KCNN2: variants seen among roughly 807,000 people sequenced by gnomAD.
The protein encoded by KCNN2 is small conductance calcium-activated potassium channel protein 2.
Under a neutral mutation model 55.5 loss-of-function variants are expected in KCNN2, and 24 were observed. The ratio of observed to expected loss-of-function variants is 0.43; its 90% CI spans 0.31 to 0.61. The LOEUF is 0.61. Among genes scored for constraint, KCNN2 ranks in the 20% least tolerant of loss-of-function variants. The pLI is 0.08. For missense variants in KCNN2, 754 were observed against 853.6 expected, an observed-to-expected ratio of 0.88 and a Z score of 1.45; for synonymous variants, 431 against 336.1, an observed-to-expected ratio of 1.28 and a Z score of -3.09.
At chr5:114,356,935 A>T (rs564701757) in intron 2 of KCNN2, among the ~76,000 whole-genome samples, 18 of 152,204 alleles carry the variant, frequency 1.2e-4, no homozygotes, top group Non-Finnish European at 2.2e-4. Flanking sequence ...CCCCACTGGC[A>T]TTTATTGCTA....
intron 1 of KCNN2, among the ~76,000 whole-genome samples, chr5:114,082,934 C>T (rs930780974): frequency 6.6e-6 from 1 of 152,030 alleles, no homozygotes; most frequent in Non-Finnish European, 1.5e-5. Context: ...TATTTTTTAA[C>T]AGGTATAAAG....
chr5:114,104,046 G>A (rs896894894), intron 1 of KCNN2, among the ~76,000 whole-genome samples: 2 of 151,986 alleles, frequency 1.3e-5, no homozygotes, highest in East Asian at 1.9e-4. Context: ...CTGTGAATCC[G>A]TTTGGTCCTA....
In KCNN2 at chr5:114,278,660, T is replaced by C. The variant is rs1360738835; in HGVS notation, c.-185+57095T>C. On this transcript the variant is annotated intron_variant, in intron 2 of 10. Transcript: ENST00000512097. Reference sequence around the variant, plus strand: ...AGCAGTGAGCAAGGCTCTGTGGGCATGGGACCTGCCAAGCCAGGCACAGGA... The same window carrying C: ...AGCAGTGAGCAAGGCTCTGTGGGCACGGGACCTGCCAAGCCAGGCACAGGA... Among the ~76,000 whole-genome samples the C allele has an allele frequency of 2.0e-5, 3 of 152,340 alleles. No homozygotes were observed. In the East Asian group the frequency reaches 5.8e-4, roughly 29 times the overall value.
rs1352142558 is a variant in KCNN2, at chr5:114,404,967, G to C, written c.1637+111G>C. On this transcript the variant is annotated intron_variant, in intron 3 of 7. Coordinates refer to ENST00000673685, the MANE Select transcript of KCNN2 (RefSeq NM_021614.4). ...GTAGTGTCTCACTCTTAAAAATTTT[G>C]GATTTTCTGACAGGCTTCTTTGAAA... 12 of 935,946 alleles carry C rather than the reference G, an allele frequency of 1.3e-5. No individual in the cohort carries two copies. The East Asian group carries it at 3.0e-4, about 23-fold the overall frequency. The allele number at this position is 935,946 out of a possible 1,614,324, so 58.0% of individuals were successfully genotyped here. A position where few individuals can be genotyped will look rare whatever the true frequency, so the allele number is the denominator to read the frequency against.
intron 2 of KCNN2, among the ~76,000 whole-genome samples, chr5:114,236,563 C>A (rs764701234): frequency 5.9e-5 from 9 of 152,022 alleles, no homozygotes; most frequent in Admixed American, 2.0e-4. Flanking sequence ...TTGCCTTTTA[C>A]TAAAGTAAAA....
At chr5:114,307,959 C>T (rs1756317425) in intron 2 of KCNN2, among the ~76,000 whole-genome samples, 1 of 152,030 alleles carries the variant, frequency 6.6e-6, no homozygotes. Context: ...CCTCATGATC[C>T]ACTCCTATAC....
In KCNN2 at chr5:114,496,182, G is replaced by A; in HGVS notation, c.2376G>A (p.Ter792=). The A allele has an allele frequency of 1.2e-6, 2 of 1,613,222 alleles. No individual in the cohort carries two copies. The highest frequency in any genetic ancestry group is 1.7e-6 in the Non-Finnish European group (2 of 1,179,512). The change falls in exon 8 of 8, where the codon TAG becomes TAA. Residue 792 remains the stop codon, a stop_retained_variant. Coordinates refer to ENST00000673685, the MANE Select transcript of KCNN2 (RefSeq NM_021614.4). ...TAPPTSSESS[*] is the part of the protein sequence containing the mutation. ...CACCAACTTCATCAGAGAGTAGCTA[G>A]AAGAGAATAAGTTAACCACAAAATA...
chr5:114,074,100 A>G (rs1257971837), intron 1 of KCNN2, among the ~76,000 whole-genome samples: 1 of 151,992 alleles, frequency 6.6e-6, no homozygotes, highest in Non-Finnish European at 1.5e-5. Flanking sequence ...TGAAAACACT[A>G]TTTTTGTTTT....
chr5:114,118,311 C>T (rs1267384130), intron 1 of KCNN2, among the ~76,000 whole-genome samples: 2 of 152,158 alleles, frequency 1.3e-5, no homozygotes, highest in African/African-American at 2.4e-5. Flanking sequence ...TACACACACT[C>T]TCTCACTCAT....
chr5:114,335,849 C>A (rs571401275), intron 2 of KCNN2, among the ~76,000 whole-genome samples: 1 of 152,182 alleles, frequency 6.6e-6, no homozygotes, highest in Non-Finnish European at 1.5e-5. Flanking sequence ...ATGAAAAGAG[C>A]TTCAAGAAAT....
chr5:114,252,922 A>G (rs1157594019), intron 2 of KCNN2, among the ~76,000 whole-genome samples: 3 of 152,042 alleles, frequency 2.0e-5, no homozygotes, highest in Non-Finnish European at 2.9e-5. Context: ...CCTCCCCACC[A>G]TTTCAACAAG....
At chr5:114,256,876 A>G (rs1754993219) in intron 2 of KCNN2, among the ~76,000 whole-genome samples, 1 of 152,032 alleles carries the variant, frequency 6.6e-6, no homozygotes, top group African/African-American at 2.4e-5. Context: ...ATTAAGTCCC[A>G]TTTGTCTATT....
intron 2 of KCNN2, among the ~76,000 whole-genome samples, chr5:114,269,817 AGTT>A (rs1294343176): frequency 6.6e-6 from 1 of 152,212 alleles, no homozygotes; most frequent in African/African-American, 2.4e-5. Context: ...TGAAAATAGT[AGTT>A]CTAAATATTT....
intron 2 of KCNN2, among the ~76,000 whole-genome samples, chr5:114,378,378 A>T (rs1479635519): frequency 2.0e-5 from 3 of 152,194 alleles, no homozygotes; most frequent in African/African-American, 7.2e-5. Context: ...CAAAGGCAAG[A>T]AGAAACATGG....
intron 1 of KCNN2, among the ~76,000 whole-genome samples, chr5:114,095,221 G>A (rs1751231216): frequency 6.6e-6 from 1 of 152,096 alleles, no homozygotes; most frequent in African/African-American, 2.4e-5. Context: ...CTGTGTTTCA[G>A]GGAGAGAGAG....
chr5:114,241,751 T>C (rs1299895099), intron 2 of KCNN2, among the ~76,000 whole-genome samples: 1 of 6,952 alleles, frequency 1.4e-4, no homozygotes, highest in Non-Finnish European at 2.9e-4. Flanking sequence ...CGTATATATA[T>C]GTATATATAT....
chr5:114,289,369 C>CTTT lies in KCNN2; in HGVS notation c.-185+67820_-185+67822dup, dbSNP rs80026839. ...AGTTCCATATGAATTTTAGAATCAA[C>CTTT]TTTTTTTTTTTTTTTTTTGAGACAG... On this transcript the variant is annotated intron_variant, in intron 2 of 10. Transcript: ENST00000512097. 6.1e-5 allele frequency among the ~76,000 whole-genome samples: 8 copies of CTTT among 132,116 alleles called. 1 individual carries two copies. Among genetic ancestry groups the CTTT allele is most frequent in the South Asian group, 4.9e-4 (2 of 4,090 alleles). The allele number at this position is 132,116 out of a possible 152,430, so 86.7% of individuals were successfully genotyped here.
At chr5:114,220,388 C>A (rs1281897180) in intron 1 of KCNN2, among the ~76,000 whole-genome samples, 2 of 151,934 alleles carry the variant, frequency 1.3e-5, no homozygotes, top group African/African-American at 2.4e-5. Context: ...AGGAAAAAAT[C>A]TAACCCAAGA....
At chr5:114,291,127 T>A (rs1755877708) in intron 2 of KCNN2, among the ~76,000 whole-genome samples, 1 of 152,058 alleles carries the variant, frequency 6.6e-6, no homozygotes, top group Non-Finnish European at 1.5e-5. Context: ...GAAATCTATA[T>A]GAAATATAGT....
Sources: gnomAD v4.1 joint callset for allele counts (sites outside exome capture counted in the v4.1 genomes callset) on GRCh38, gnomAD v4.1.1 for gene constraint, MANE v1.5 for transcripts, NCBI Gene and HGNC (gene_info 2026-07-23, HGNC 2026-07-21) for gene names.